Variants in FOCAD observed in about 807,000 individuals in gnomAD.
FOCAD encodes focadhesin, also known as KIAA1797.
FOCAD carries 198 observed loss-of-function variants against 225.6 expected under a neutral mutation model. That is an observed-to-expected ratio of 0.88 (90% CI 0.78 to 0.99). The LOEUF (loss-of-function observed/expected upper bound fraction) is 0.99, where lower values mean the gene tolerates loss of function less well. FOCAD is among the 50% of genes least tolerant of loss of function. The pLI is 0.00. For missense variants in FOCAD, 2,713 were observed against 2,123.6 expected, an observed-to-expected ratio of 1.28 and a Z score of -5.46; for synonymous variants, 897 against 755.0, an observed-to-expected ratio of 1.19 and a Z score of -3.08.
chr9:20,800,911 G>A (rs1277646053), intron 11 of FOCAD, among the ~76,000 whole-genome samples: 2 of 152,166 alleles, frequency 1.3e-5, no homozygotes, highest in African/African-American at 4.8e-5. Context: ...TCCTTTGGAG[G>A]AGGAGAGGCG....
At chr9:20,862,529 T>C (rs1828865768) in intron 15 of FOCAD, 49 bp from the exon 16 acceptor site, 2 of 1,590,122 alleles carry the variant, frequency 1.3e-6, no homozygotes, top group East Asian at 2.2e-5. Context: ...AATGGCTTCA[T>C]ATAGGTTGGA....
In FOCAD at chr9:20,926,429, A is replaced by G. The variant is rs1564161761; in HGVS notation, c.3078+12A>G. On this transcript the variant is annotated intron_variant, in intron 26 of 43. Coordinates refer to ENST00000338382, the MANE Select transcript of FOCAD (RefSeq NM_001375567.1). ...CCTGGTTTTATTATGTAAGTGCAAA[A>G]AATAAAAAATGATCAGAAAACTCAA... 1 of 1,479,346 alleles carries G rather than the reference A, an allele frequency of 6.8e-7. No individual in the cohort carries two copies. The highest frequency in any genetic ancestry group is 9.4e-7 in the Non-Finnish European group (1 of 1,058,774). 91.6% of individuals were successfully genotyped at this position (1,479,346 alleles called of 1,614,324 possible).
intron 1 of FOCAD, among the ~76,000 whole-genome samples, chr9:20,691,749 G>C (rs1326138301): frequency 6.8e-6 from 1 of 147,240 alleles, no homozygotes; most frequent in African/African-American, 2.5e-5. Context: ...CAAAGTGCTG[G>C]GATTATAGGC....
intron 26 of FOCAD, among the ~76,000 whole-genome samples, chr9:20,926,783 C>CAA (rs34902651): frequency 9.0e-6 from 1 of 110,900 alleles, no homozygotes; most frequent in Non-Finnish European, 1.8e-5. Context: ...AACTGTGTCT[C>CAA]AAAAAAAAAA....
rs766784344 is a variant in FOCAD, at chr9:20,932,981, A to G, written c.3318-33A>G. 3.4e-6 allele frequency: 5 copies of G among 1,486,734 alleles called. No individual in the cohort carries two copies. The South Asian group carries it at 5.7e-5, about 17-fold the overall frequency. The allele number at this position is 1,486,734 out of a possible 1,614,324, so 92.1% of individuals were successfully genotyped here. A position where few individuals can be genotyped will look rare whatever the true frequency, so the allele number is the denominator to read the frequency against. Reference sequence around the variant, plus strand: ...ATTTTGGATAGTTGACTAATTTTAAATAATTCATTGTTTCCCCTTGATCTT... The same window carrying G: ...ATTTTGGATAGTTGACTAATTTTAAGTAATTCATTGTTTCCCCTTGATCTT... On this transcript the variant is annotated intron_variant, in intron 27 of 43. Coordinates refer to ENST00000338382, the MANE Select transcript of FOCAD (RefSeq NM_001375567.1).
intron 2 of FOCAD, among the ~76,000 whole-genome samples, chr9:20,676,952 C>G (rs1256023307): frequency 6.6e-6 from 1 of 152,168 alleles, no homozygotes; most frequent in African/African-American, 2.4e-5. Flanking sequence ...ACAAGAAGAA[C>G]AAAGCTGGAG....
At chr9:20,832,329 A>T (rs371539383) in intron 15 of FOCAD, among the ~76,000 whole-genome samples, 7 of 151,886 alleles carry the variant, frequency 4.6e-5, no homozygotes, top group Admixed American at 3.3e-4. Context: ...GTTCTCCCCA[A>T]ATAAGTCAGA....
At position 20,983,781 on chromosome 9, in the gene FOCAD, G is replaced by A. The variant is rs554640702; in HGVS notation, c.4728+1335G>A. ...CCTCAGTTCCCTTATCTGTAAAGGAGAGATAATAACACCTATGACTTAGAG... is the reference window on the plus strand; with the variant it reads ...CCTCAGTTCCCTTATCTGTAAAGGAAAGATAATAACACCTATGACTTAGAG... On this transcript the variant is annotated intron_variant, in intron 39 of 43. Coordinates refer to ENST00000338382, the MANE Select transcript of FOCAD (RefSeq NM_001375567.1). Among the ~76,000 whole-genome samples, 13 of 152,212 alleles carry A rather than the reference G, an allele frequency of 8.5e-5. No homozygotes were observed. The East Asian group carries it at 2.3e-3, about 27-fold the overall frequency.
chr9:20,753,108 G>A (rs1828718858), intron 5 of FOCAD, among the ~76,000 whole-genome samples: 1 of 152,164 alleles, frequency 6.6e-6, no homozygotes, highest in East Asian at 1.9e-4. Context: ...TCTGCAAACA[G>A]GGACAATTTG....
At chr9:20,789,725 T>A in intron 11 of FOCAD, 117 bp downstream of exon 11, 1 of 1,273,556 alleles carries the variant, frequency 7.9e-7, no homozygotes, top group South Asian at 1.6e-5. Context: ...GTTGATGATT[T>A]TTTTTTTTTT....
chr9:20,802,109 A>T (rs1057391548), intron 11 of FOCAD, among the ~76,000 whole-genome samples: 9 of 152,156 alleles, frequency 5.9e-5, no homozygotes, highest in African/African-American at 1.7e-4. Context: ...GGAGCCAGGC[A>T]GGTAGTTAAG....
intron 4 of FOCAD, 93 bp downstream of exon 4, chr9:20,720,627 T>G: frequency 7.9e-7 from 1 of 1,267,938 alleles, no homozygotes; most frequent in East Asian, 2.4e-5. Context: ...TTCATCCTAC[T>G]TGCCAGTTGT....
At chr9:20,950,926 G>C (rs1339167192) in intron 33 of FOCAD, 70 bp from the exon 34 acceptor site, 4 of 1,363,916 alleles carry the variant, frequency 2.9e-6, no homozygotes, top group Non-Finnish European at 4.2e-6. Context: ...GTGACTTTCT[G>C]TGAGTGACCT....
At chr9:20,909,015 G>A (rs943151942) in intron 22 of FOCAD, among the ~76,000 whole-genome samples, 2 of 151,986 alleles carry the variant, frequency 1.3e-5, no homozygotes, top group Non-Finnish European at 2.9e-5. Context: ...ATGGGCACCT[G>A]GAGAAAGGGA....
chr9:20,672,722 A>T (rs1822105501), intron 2 of FOCAD, among the ~76,000 whole-genome samples: 1 of 152,232 alleles, frequency 6.6e-6, no homozygotes, highest in Non-Finnish European at 1.5e-5. Context: ...AAGTGTTAGG[A>T]TTACAGGCGT....
At chr9:20,820,483 ATAAT>A in intron 13 of FOCAD, 58 bp downstream of exon 13, 1 of 1,417,494 alleles carries the variant, frequency 7.1e-7, no homozygotes, top group South Asian at 1.2e-5. Context: ...CTGAAGGAAA[ATAAT>A]TATGTCATAT....
At chr9:20,688,584 T>A (rs551958044) in intron 1 of FOCAD, among the ~76,000 whole-genome samples, 39 of 152,126 alleles carry the variant, frequency 2.6e-4, no homozygotes, top group Non-Finnish European at 4.1e-4. Context: ...TTATAGGTAG[T>A]TAAAACAATG....
At chr9:20,876,356 T>C (rs1366873148) in intron 19 of FOCAD, among the ~76,000 whole-genome samples, 1 of 152,148 alleles carries the variant, frequency 6.6e-6, no homozygotes, top group Non-Finnish European at 1.5e-5. Context: ...CAGAAGTCCT[T>C]TGGGGCTTTT....
intron 43 of FOCAD, among the ~76,000 whole-genome samples, 171 bp from the exon 44 acceptor site, chr9:20,995,385 C>T (rs1282282270): frequency 6.7e-6 from 1 of 150,096 alleles, no homozygotes; most frequent in Non-Finnish European, 1.5e-5. Flanking sequence ...AAACAACTTT[C>T]CCCCCAACAT....
Sources: allele counts gnomAD v4.1 joint callset (sites outside exome capture counted in the v4.1 genomes callset), GRCh38; gene constraint gnomAD v4.1.1; transcripts MANE v1.5; gene names NCBI Gene and HGNC (gene_info 2026-07-23, HGNC 2026-07-21).